The following SGCZ variants were observed in gnomAD, a reference collection of about 807,000 sequenced individuals.
SGCZ encodes sarcoglycan zeta.
Under a neutral mutation model 41.3 loss-of-function variants are expected in SGCZ, and 40 were observed. That is an observed-to-expected ratio of 0.97 (90% CI 0.75 to 1.26). The LOEUF (loss-of-function observed/expected upper bound fraction) is 1.26, where lower values mean the gene tolerates loss of function less well. SGCZ is among the 50% of genes most tolerant of loss of function. SGCZ has a pLI of 0.00. For missense variants in SGCZ, 552 were observed against 369.8 expected (o/e 1.49, Z -4.04); for synonymous variants, 206 against 137.5 (o/e 1.50, Z -3.49).
chr8:14,683,528 T>G (rs1386792089), intron 1 of SGCZ, among the ~76,000 whole-genome samples: 1 of 152,150 alleles, frequency 6.6e-6, no homozygotes, highest in East Asian at 1.9e-4. Flanking sequence ...TGTAAATAAC[T>G]TCTTCCCAAA....
chr8:14,632,703 A>G (rs1176649252), intron 1 of SGCZ, among the ~76,000 whole-genome samples: 3 of 152,098 alleles, frequency 2.0e-5, no homozygotes, highest in Non-Finnish European at 4.4e-5. Context: ...ATCTGAAATC[A>G]GGAGATTAGT....
chr8:14,771,267 G>A (rs1057444984), intron 1 of SGCZ, among the ~76,000 whole-genome samples: 7 of 152,200 alleles, frequency 4.6e-5, no homozygotes, highest in African/African-American at 1.7e-4. Context: ...TGGGGTCAGA[G>A]GAGAGAGGGA....
intron 2 of SGCZ, among the ~76,000 whole-genome samples, chr8:14,545,872 C>A (rs970903233): frequency 6.6e-6 from 1 of 152,088 alleles, no homozygotes; most frequent in Non-Finnish European, 1.5e-5. Flanking sequence ...CTTTGTTTTG[C>A]ACTTGCTATG....
At chr8:14,721,977 C>T (rs1264496858) in intron 1 of SGCZ, among the ~76,000 whole-genome samples, 1 of 152,094 alleles carries the variant, frequency 6.6e-6, no homozygotes, top group Non-Finnish European at 1.5e-5. Context: ...CCTAAATACC[C>T]TCTCTCAGGT....
At chr8:14,470,915 C>T (rs1380590340) in intron 2 of SGCZ, among the ~76,000 whole-genome samples, 1 of 152,076 alleles carries the variant, frequency 6.6e-6, no homozygotes. Flanking sequence ...ATTTTACTTG[C>T]TTATCAGATC....
At chr8:14,596,293 G>A (rs956634020) in intron 1 of SGCZ, among the ~76,000 whole-genome samples, 3 of 152,120 alleles carry the variant, frequency 2.0e-5, no homozygotes, top group African/African-American at 7.2e-5. Flanking sequence ...ACTGAATTTT[G>A]CCTAGTATAT....
chr8:14,844,018 T>C (rs559419336), intron 1 of SGCZ, among the ~76,000 whole-genome samples: 2 of 150,902 alleles, frequency 1.3e-5, no homozygotes, highest in African/African-American at 4.9e-5. Flanking sequence ...ATATATCATA[T>C]AAATAATATT....
rs115435323 is a variant in SGCZ at position 14,716,977 on chromosome 8, T to C, written c.40-162051A>G. On this transcript the variant is annotated intron_variant, in intron 1 of 7. Transcript: ENST00000382080. ...ATACATGAGATGATTTCATCACTCA[T>C]GGGATGATAAGGGACAAAAAAGCAT... Among the ~76,000 whole-genome samples, 676 of 152,176 alleles carry C rather than the reference T, an allele frequency of 4.4e-3. 3 individuals carry two copies. The highest frequency in any genetic ancestry group is 0.015 in the African/African-American group (640 of 41,552).
intron 1 of SGCZ, among the ~76,000 whole-genome samples, chr8:14,888,612 G>C (rs577740738): frequency 7.9e-5 from 12 of 152,028 alleles, no homozygotes; most frequent in South Asian, 2.1e-4. Context: ...AATCATTAAC[G>C]TAAGATCCAA....
chr8:14,463,811 G>C (rs1363967731), intron 2 of SGCZ, among the ~76,000 whole-genome samples: 2 of 151,346 alleles, frequency 1.3e-5, no homozygotes, highest in African/African-American at 4.9e-5. Context: ...AGTTTTTTGA[G>C]TTTTTTATTA....
chr8:14,853,708 C>T (rs1803433435), intron 1 of SGCZ, among the ~76,000 whole-genome samples: 1 of 151,944 alleles, frequency 6.6e-6, no homozygotes, highest in African/African-American at 2.4e-5. Flanking sequence ...ACATGGGTAC[C>T]ATAGAAGAGC....
chr8:14,646,265 AATGT>A (rs1807212257), intron 1 of SGCZ, among the ~76,000 whole-genome samples: 1 of 151,814 alleles, frequency 6.6e-6, no homozygotes, highest in East Asian at 1.9e-4. Flanking sequence ...ATGAGCACAC[AATGT>A]TTAGTTCCCA....
chr8:14,835,143 C>T (rs1802654006), intron 1 of SGCZ, among the ~76,000 whole-genome samples: 1 of 152,096 alleles, frequency 6.6e-6, no homozygotes, highest in African/African-American at 2.4e-5. Context: ...CAAAAATGGG[C>T]CTTTCTTAGA....
intron 2 of SGCZ, among the ~76,000 whole-genome samples, chr8:14,529,818 T>C (rs1236472869): frequency 2.0e-5 from 3 of 152,096 alleles, no homozygotes; most frequent in Non-Finnish European, 2.9e-5. Context: ...CAGCCCCTTA[T>C]TCTCATCTTT....
At chr8:14,782,202 C>CT (rs1232073442) in intron 1 of SGCZ, among the ~76,000 whole-genome samples, 4 of 152,172 alleles carry the variant, frequency 2.6e-5, no homozygotes, top group African/African-American at 9.7e-5. Context: ...ATAATCTATG[C>CT]TAAAACTTAT....
intron 1 of SGCZ, among the ~76,000 whole-genome samples, chr8:14,674,326 TAA>T (rs925631857): frequency 1.3e-5 from 2 of 152,054 alleles, no homozygotes; most frequent in African/African-American, 2.4e-5. Context: ...AGTTAAAAGA[TAA>T]GAGTAAAAAT....
chr8:14,693,238 T>C (rs946667230), intron 1 of SGCZ, among the ~76,000 whole-genome samples: 1 of 152,100 alleles, frequency 6.6e-6, no homozygotes, highest in Admixed American at 6.6e-5. Flanking sequence ...ATGACCTTAA[T>C]AATTTCCATT....
chr8:14,600,174 C>A (rs546317853), intron 1 of SGCZ, among the ~76,000 whole-genome samples: 93 of 152,264 alleles, frequency 6.1e-4, no homozygotes, highest in Middle Eastern at 6.8e-3. Flanking sequence ...GCACCACACT[C>A]TCTTGGATCT....
chr8:14,713,084 C>T (rs183542483), intron 1 of SGCZ, among the ~76,000 whole-genome samples: 4 of 152,030 alleles, frequency 2.6e-5, no homozygotes, highest in Non-Finnish European at 4.4e-5. Context: ...AGTTCTAAGC[C>T]TATTAAAAAA....
Sources: allele counts gnomAD v4.1 joint callset (sites outside exome capture counted in the v4.1 genomes callset), GRCh38; gene constraint gnomAD v4.1.1; transcripts MANE v1.5; gene names NCBI Gene and HGNC (gene_info 2026-07-23, HGNC 2026-07-21).